STAU2: variants seen among roughly 807,000 people sequenced by gnomAD.
The protein encoded by STAU2 is double-stranded RNA-binding protein Staufen homolog 2.
In STAU2, 20 loss-of-function variants were observed where a neutral mutation model predicts 65.9. The ratio of observed to expected loss-of-function variants is 0.30; its 90% CI spans 0.21 to 0.44. STAU2 has a LOEUF of 0.44. Ranked by LOEUF, STAU2 falls within the 20% of genes least tolerant of loss-of-function variation. STAU2 has a pLI of 1.00. For synonymous variants in STAU2, 232 were observed against 233.9 expected, an observed-to-expected ratio of 0.99 and a Z score of 0.07; for missense variants, 558 against 683.9, an observed-to-expected ratio of 0.82 and a Z score of 2.05.
intron 13 of STAU2, among the ~76,000 whole-genome samples, chr8:73,520,927 T>C (rs908857460): frequency 3.9e-5 from 6 of 152,194 alleles, no homozygotes; most frequent in Non-Finnish European, 8.8e-5. Flanking sequence ...TCAGGTTTTC[T>C]GTTACTTGTA....
chr8:73,541,076 G>C (rs963794982), intron 13 of STAU2, among the ~76,000 whole-genome samples: 9 of 152,200 alleles, frequency 5.9e-5, no homozygotes, highest in Non-Finnish European at 1.3e-4. Context: ...GCAGAAACCA[G>C]TGAGAACTGG....
rs535747788 is a variant in STAU2 at position 73,693,290 on chromosome 8, G to A, written c.115-4477C>T. ...AGATCGAGACCATCTTGGCTAACAC[G>A]GTGAAACCCCATCTCTACTAAAAAT... On this transcript the variant is annotated intron_variant, in intron 4 of 14. Transcript: ENST00000524300. 4.4e-3 allele frequency among the ~76,000 whole-genome samples: 663 copies of A among 152,194 alleles called. 7 individuals are homozygous for A. Among genetic ancestry groups the A allele is most frequent in the African/African-American group, 0.015 (618 of 41,534 alleles).
intron 6 of STAU2, chr8:73,670,361 T>C (rs1817584741): frequency 6.6e-6 from 1 of 151,928 alleles, no homozygotes; most frequent in Non-Finnish European, 1.5e-5. Context: ...AGATACACTC[T>C]GGAAGCATTA....
At chr8:73,485,295 C>G (rs1260010141) in intron 13 of STAU2, among the ~76,000 whole-genome samples, 11 of 151,904 alleles carry the variant, frequency 7.2e-5, no homozygotes, top group South Asian at 2.1e-4. Context: ...CCTCCCACCT[C>G]AGCTTCCAGA....
At chr8:73,640,368 G>A (rs1814863970) in intron 6 of STAU2, among the ~76,000 whole-genome samples, 1 of 151,964 alleles carries the variant, frequency 6.6e-6, no homozygotes, top group Non-Finnish European at 1.5e-5. Context: ...ATAAAACATA[G>A]CTTCCTATAT....
chr8:73,691,326 A>G (rs1025330705), intron 4 of STAU2, among the ~76,000 whole-genome samples: 2 of 152,166 alleles, frequency 1.3e-5, no homozygotes, highest in Admixed American at 6.5e-5. Flanking sequence ...TTGCCTTCCT[A>G]AGGCTTATTT....
chr8:73,587,680 T>A (rs1315294174), intron 11 of STAU2, among the ~76,000 whole-genome samples: 2 of 152,230 alleles, frequency 1.3e-5, no homozygotes, highest in Non-Finnish European at 2.9e-5. Context: ...TTAATTTTTT[T>A]ACTTTTATAT....
At position 73,613,669 on chromosome 8, in the gene STAU2, T is replaced by C. The variant is rs1258939464; in HGVS notation, c.891+75A>G. 6.8e-6 allele frequency: 8 copies of C among 1,177,754 alleles called. No individual in the cohort carries two copies. The East Asian group carries it at 1.5e-4, about 22-fold the overall frequency. The allele number at this position is 1,177,754 out of a possible 1,614,324, so 73.0% of individuals were successfully genotyped here. On this transcript the variant is annotated intron_variant, in intron 9 of 14. Transcript: ENST00000524300. Reference sequence around the variant, plus strand: ...TCCATAAGTTCAGGGATCTGCCTTATAGAAAAATGCTTATCTATAGCTACT... The same window carrying C: ...TCCATAAGTTCAGGGATCTGCCTTACAGAAAAATGCTTATCTATAGCTACT...
At chr8:73,502,914 C>G (rs1039214433) in intron 13 of STAU2, among the ~76,000 whole-genome samples, 2 of 152,174 alleles carry the variant, frequency 1.3e-5, no homozygotes, top group Admixed American at 1.3e-4. Context: ...GAATGATTAA[C>G]TTTTATGTTA....
chr8:73,684,686 G>A (rs573242233), intron 5 of STAU2, among the ~76,000 whole-genome samples: 21 of 152,188 alleles, frequency 1.4e-4, no homozygotes, highest in East Asian at 1.9e-4. Context: ...CATAGAGTAG[G>A]AGAAAATCTT....
intron 13 of STAU2, among the ~76,000 whole-genome samples, chr8:73,539,253 G>A (rs1806368267): frequency 1.3e-5 from 2 of 152,064 alleles, no homozygotes; most frequent in South Asian, 4.1e-4. Flanking sequence ...AACAGAAAAA[G>A]GTGATTTATA....
chr8:73,578,594 A>G (rs1809751601), intron 12 of STAU2, among the ~76,000 whole-genome samples: 1 of 152,188 alleles, frequency 6.6e-6, no homozygotes. Flanking sequence ...GAGAATATGT[A>G]TGTTCCCATT....
At chr8:73,629,564 T>G (rs1019768826) in intron 6 of STAU2, among the ~76,000 whole-genome samples, 4 of 152,204 alleles carry the variant, frequency 2.6e-5, no homozygotes, top group African/African-American at 9.7e-5. Flanking sequence ...ATATAATTTA[T>G]TAGCTGGAAC....
chr8:73,706,471 C>A (rs1294053850), intron 4 of STAU2, among the ~76,000 whole-genome samples: 1 of 152,082 alleles, frequency 6.6e-6, no homozygotes, highest in African/African-American at 2.4e-5. Context: ...CAGAGATTAT[C>A]ATTAATTTCA....
intron 6 of STAU2, chr8:73,651,727 G>A: frequency 2.2e-6 from 1 of 446,840 alleles, no homozygotes; most frequent in South Asian, 2.0e-5. Context: ...TGCATACGCT[G>A]GGACCAGCCC....
At chr8:73,462,806 C>A (rs1472081388) in intron 13 of STAU2, among the ~76,000 whole-genome samples, 2 of 151,874 alleles carry the variant, frequency 1.3e-5, no homozygotes, top group Non-Finnish European at 2.9e-5. Flanking sequence ...ATGTGTTAGT[C>A]AAATTTAATG....
chr8:73,421,957 T>G (rs1346291301), intron 14 of STAU2, among the ~76,000 whole-genome samples: 2 of 40,948 alleles, frequency 4.9e-5, no homozygotes, highest in Non-Finnish European at 9.9e-5. Flanking sequence ...CCCCTTTCCA[T>G]TTTTTTTTTT....
intron 13 of STAU2, among the ~76,000 whole-genome samples, chr8:73,479,341 G>A (rs1031200311): frequency 6.6e-6 from 1 of 151,828 alleles, no homozygotes; most frequent in African/African-American, 2.4e-5. Context: ...CTTATAAAAC[G>A]ATTTCTCAGA....
At chr8:73,675,916 C>T (rs60697021) in intron 5 of STAU2, among the ~76,000 whole-genome samples, 11,024 of 152,108 alleles carry the variant, frequency 0.072, 436 homozygotes, top group Middle Eastern at 0.14. Flanking sequence ...AAGAAATATA[C>T]ATTGAAATAT....
Sources: allele counts gnomAD v4.1 joint callset (sites outside exome capture counted in the v4.1 genomes callset), GRCh38; gene constraint gnomAD v4.1.1; transcripts MANE v1.5; gene names NCBI Gene and HGNC (gene_info 2026-07-23, HGNC 2026-07-21).